The following PCM1 variants were observed in gnomAD, a reference collection of about 807,000 sequenced individuals.
PCM1 encodes the protein pericentriolar material 1 protein.
Under a neutral mutation model 241.9 loss-of-function variants are expected in PCM1, and 157 were observed. The ratio of observed to expected loss-of-function variants is 0.65; its 90% CI spans 0.57 to 0.74. PCM1 has a LOEUF of 0.74. Ranked by LOEUF, PCM1 falls within the 30% of genes least tolerant of loss-of-function variation. The pLI is 0.00. For missense variants in PCM1, 3,478 were observed against 2,360.1 expected (o/e 1.47, Z -9.81); for synonymous variants, 1,085 against 784.9 (o/e 1.38, Z -6.39).
intron 13 of PCM1, among the ~76,000 whole-genome samples, chr8:17,959,731 A>G (rs1231082576): frequency 1.3e-5 from 2 of 152,038 alleles, no homozygotes; most frequent in African/African-American, 4.8e-5. Context: ...ATTGTGTTTT[A>G]TTTTATTGAT....
chr8:17,999,350 T>C (rs1314421179), intron 29 of PCM1, among the ~76,000 whole-genome samples: 1 of 152,092 alleles, frequency 6.6e-6, no homozygotes, highest in Non-Finnish European at 1.5e-5. Context: ...AAGGGCTCTT[T>C]AGTCAGCAGG....
At chr8:18,013,748 C>T in intron 34 of PCM1, 3 of 426,168 alleles carry the variant, frequency 7.0e-6, no homozygotes, top group Non-Finnish European at 8.5e-6. Context: ...TTGTATTATA[C>T]TGTGTGTGTG....
intron 29 of PCM1, among the ~76,000 whole-genome samples, chr8:18,004,818 T>C (rs2090784701): frequency 6.6e-6 from 1 of 152,188 alleles, no homozygotes. Flanking sequence ...TAATTCATAT[T>C]CTTACCTTTT....
Position 17,924,791 on chromosome 8 carries a change from AT to A in PCM1, c.-23+13del. 6.6e-6 allele frequency: 1 copy of A among 152,320 alleles called. No individual in the cohort carries two copies. The highest frequency in any genetic ancestry group is 2.4e-5 in the African/African-American group (1 of 41,554). The allele number at this position is 152,320 out of a possible 1,614,324, so 9.4% of individuals were successfully genotyped here. ...CTAGTTTCTAAACAGGTAATTTGAC[AT>A]TATTATCTGTATTATCCTTTGTATT... On this transcript the variant is annotated intron_variant, in intron 2 of 38. Coordinates refer to ENST00000325083, the MANE Select transcript of PCM1 (RefSeq NM_006197.4).
chr8:17,983,792 T>C (rs2129476248), intron 24 of PCM1, among the ~76,000 whole-genome samples: 1 of 152,246 alleles, frequency 6.6e-6, no homozygotes, highest in Non-Finnish European at 1.5e-5. Flanking sequence ...TGTGGTTCTT[T>C]GTGATTTAGA....
chr8:17,985,466 C>A lies in PCM1; in HGVS notation c.4128C>A (p.Ser1376=). 1 of 1,553,882 alleles carries A rather than the reference C, an allele frequency of 6.4e-7. No individual in the cohort carries two copies. ...EISSETGSDF[S]MFEALRDTIY... is the part of the protein sequence containing the mutation. ...TTCCAGAAACTGGGAGTGATTTTTC[C>A]ATGTTTGAAGCTTTGCGAGATACTA... The change falls in exon 25 of 39, where the codon TCC becomes TCA. Residue 1376 remains serine, a synonymous_variant. Transcript: ENST00000325083.
intron 4 of PCM1, 94 bp downstream of exon 4, chr8:17,937,473 T>A: frequency 8.5e-7 from 1 of 1,172,644 alleles, no homozygotes; most frequent in South Asian, 1.6e-5. Flanking sequence ...ATTGAGCTGT[T>A]TATGTAATTT....
chr8:17,925,293 C>T (rs2056485204), intron 2 of PCM1: 1 of 152,134 alleles, frequency 6.6e-6, no homozygotes, highest in Non-Finnish European at 1.5e-5. Flanking sequence ...GCGCATAGTA[C>T]ATTGTCACAT....
intron 28 of PCM1, among the ~76,000 whole-genome samples, chr8:17,992,280 A>C (rs2084947538): frequency 1.3e-5 from 2 of 152,202 alleles, no homozygotes; most frequent in Non-Finnish European, 2.9e-5. Context: ...TTGTTGGATC[A>C]AATGGTGGAT....
chr8:17,948,488 A>G (rs1186542994), intron 7 of PCM1, among the ~76,000 whole-genome samples: 4 of 151,774 alleles, frequency 2.6e-5, no homozygotes, highest in South Asian at 4.2e-4. Flanking sequence ...TATTTTTAGT[A>G]GAGTCGGGGT....
chr8:18,018,642 C>G (rs2093448232), intron 36 of PCM1, among the ~76,000 whole-genome samples: 1 of 151,684 alleles, frequency 6.6e-6, no homozygotes, highest in Admixed American at 6.6e-5. Context: ...GAAACCCCAT[C>G]TCTACTGAAA....
rs777034253 is a variant in PCM1, at chr8:17,972,629, C to G, written c.3885C>G (p.Pro1295=). The change falls in exon 23 of 39, where the codon CCC becomes CCG. Residue 1295 remains proline (P), a synonymous_variant. Transcript: ENST00000325083. ...GCCTGGCATCTAAAGATAAAACTCC[C>G]AAGTCAAAAAGTAAGAAGAGGAATT... The part of the protein sequence containing the change: ...QASLASKDKT[P]KSKSKKRNST... The G allele has an allele frequency of 1.3e-6, 2 of 1,581,214 alleles. No individual in the cohort carries two copies. The highest frequency in any genetic ancestry group is 3.8e-5 in the Admixed American group (2 of 52,114).
At chr8:18,015,785 G>C (rs764722126) in intron 36 of PCM1, 2 of 152,202 alleles carry the variant, frequency 1.3e-5, no homozygotes, top group Non-Finnish European at 2.9e-5. Context: ...CCAGGCAAAA[G>C]GTGTCCATTG....
At chr8:17,992,581 T>C (rs2085077439) in intron 28 of PCM1, among the ~76,000 whole-genome samples, 1 of 151,760 alleles carries the variant, frequency 6.6e-6, no homozygotes, top group Non-Finnish European at 1.5e-5. Flanking sequence ...TTGAGAGGAG[T>C]TGTCTATATC....
rs190704465 is a variant in PCM1 at position 17,976,522 on chromosome 8, T to C, written c.3943+3835T>C. Reference sequence around the variant, plus strand: ...GGAAAACGTCCATCCATATAGCAACTTCTCACAAGCCTCTCTTGTCCATGT... The same window carrying C: ...GGAAAACGTCCATCCATATAGCAACCTCTCACAAGCCTCTCTTGTCCATGT... On this transcript the variant is annotated intron_variant, in intron 23 of 38. Coordinates refer to ENST00000325083, the MANE Select transcript of PCM1 (RefSeq NM_006197.4). 1.8e-4 allele frequency among the ~76,000 whole-genome samples: 28 copies of C among 152,314 alleles called. 1 individual carries two copies. Among genetic ancestry groups the C allele is most frequent in the Middle Eastern group, 3.4e-3 (1 of 294 alleles).
intron 13 of PCM1, among the ~76,000 whole-genome samples, chr8:17,958,795 C>G (rs999889485): frequency 9.9e-5 from 15 of 152,112 alleles, no homozygotes; most frequent in Admixed American, 4.6e-4. Flanking sequence ...GATTTTGGCT[C>G]ACTGCAAGCT....
chr8:17,985,182 C>A (rs937394058), intron 24 of PCM1, among the ~76,000 whole-genome samples: 10 of 151,774 alleles, frequency 6.6e-5, no homozygotes, highest in Middle Eastern at 3.4e-3. Flanking sequence ...TTTATATGAT[C>A]AGAAATAAAC....
intron 1 of PCM1, among the ~76,000 whole-genome samples, chr8:17,923,720 C>G (rs1563529160): frequency 6.6e-6 from 1 of 152,096 alleles, no homozygotes; most frequent in Non-Finnish European, 1.5e-5. Context: ...TGCAGGATTT[C>G]CGCCGTCTCT....
chr8:17,936,387 C>G (rs1237043601), intron 3 of PCM1, among the ~76,000 whole-genome samples: 1 of 152,082 alleles, frequency 6.6e-6, no homozygotes, highest in African/African-American at 2.4e-5. Context: ...TATACTAGTA[C>G]TAAAAGAATT....
Sources: gnomAD v4.1 joint callset for allele counts (sites outside exome capture counted in the v4.1 genomes callset) on GRCh38, gnomAD v4.1.1 for gene constraint, MANE v1.5 for transcripts, NCBI Gene and HGNC (gene_info 2026-07-23, HGNC 2026-07-21) for gene names.